ZNF626: variants seen among roughly 807,000 people sequenced by gnomAD.
ZNF626 encodes the protein CTC-513N18.7.
In ZNF626, 4 loss-of-function variants were observed where a neutral mutation model predicts 11.7. The observed-to-expected ratio is 0.34, with a 90% CI of 0.17 to 0.78. ZNF626 has a LOEUF of 0.78. ZNF626 is among the 30% of genes least tolerant of loss of function. The pLI, the probability that ZNF626 is intolerant of heterozygous loss-of-function variation, is 0.57. For synonymous variants in ZNF626, 179 were observed against 198.6 expected, an observed-to-expected ratio of 0.90 and a Z score of 0.83; for missense variants, 588 against 587.1, an observed-to-expected ratio of 1.00 and a Z score of -0.01.
intron 3 of ZNF626, among the ~76,000 whole-genome samples, chr19:20,637,040 GC>G (rs1407815186): frequency 6.9e-5 from 6 of 87,576 alleles, no homozygotes; most frequent in Admixed American, 6.7e-4. Flanking sequence ...AAAAAAAAAG[GC>G]CCAGTGCAAT....
chr19:20,621,913 A>G lies in ZNF626; in HGVS notation c.*2377T>C, dbSNP rs953898748. On this transcript the variant is annotated 3_prime_UTR_variant, in exon 4 of 4. Coordinates refer to ENST00000601440, the MANE Select transcript of ZNF626 (RefSeq NM_001076675.3). ...AAAATAAAATAAAATTAGGCTGGAC[A>G]TATTGGCTCACACCTATAATCCCAA... The G allele has an allele frequency of 1.3e-5, 2 of 152,230 alleles. No individual in the cohort carries two copies. The highest frequency in any genetic ancestry group is 2.9e-5 in the Non-Finnish European group (2 of 68,044). The allele number at this position is 152,230 out of a possible 1,614,324, so 9.4% of individuals were successfully genotyped here. A position where few individuals can be genotyped will look rare whatever the true frequency, so the allele number is the denominator to read the frequency against.
At chr19:20,640,219 AATT>A (rs1161558497) in intron 3 of ZNF626, among the ~76,000 whole-genome samples, 1 of 101,016 alleles carries the variant, frequency 9.9e-6, no homozygotes, top group Admixed American at 9.9e-5. Flanking sequence ...TATTAAATTC[AATT>A]ATTTAAATAA....
Position 20,625,547 on chromosome 19 carries a change from A to G in ZNF626, c.330T>C (p.Asn110=), listed in dbSNP as rs1969819186. The change falls in exon 4 of 4, where the codon AAT becomes AAC. Residue 110 remains asparagine (N), a synonymous_variant. Transcript: ENST00000601440. ...LRRYEKCEHD[N]LQLKKGCISV... ...TTATACATCCTTTTTTTAACTGTAA[A>G]TTGTCATGTTCACATTTTTCATATC... is the stretch of plus-strand genomic sequence containing the variant. The G allele has an allele frequency of 6.2e-7, 1 of 1,613,290 alleles. No homozygotes were observed. The highest frequency in any genetic ancestry group is 8.5e-7 in the Non-Finnish European group (1 of 1,179,752).
At chr19:20,654,512 T>C (rs1183044707) in intron 1 of ZNF626, among the ~76,000 whole-genome samples, 1 of 150,992 alleles carries the variant, frequency 6.6e-6, no homozygotes, top group Non-Finnish European at 1.5e-5. Context: ...ATTGAGACCA[T>C]CCTGGCTAAC....
chr19:20,638,619 T>C (rs1969991218), intron 3 of ZNF626, among the ~76,000 whole-genome samples: 1 of 151,698 alleles, frequency 6.6e-6, no homozygotes, highest in Non-Finnish European at 1.5e-5. Flanking sequence ...TTGAGTGGGG[T>C]AGTCATAATT....
chr19:20,641,629 A>C (rs1555771475), intron 3 of ZNF626, among the ~76,000 whole-genome samples: 2 of 152,134 alleles, frequency 1.3e-5, no homozygotes, highest in Non-Finnish European at 2.9e-5. Context: ...TCACTCTGTC[A>C]CCCAAGCTGG....
In ZNF626 at chr19:20,620,183, G is replaced by T. The variant is rs896381895; in HGVS notation, c.*4107C>A. 14 of 152,192 alleles carry T rather than the reference G, an allele frequency of 9.2e-5. No homozygotes were observed. Among genetic ancestry groups the T allele is most frequent in the African/African-American group, 3.4e-4 (14 of 41,546 alleles). 9.4% of individuals were successfully genotyped at this position (152,192 alleles called of 1,614,324 possible). On this transcript the variant is annotated 3_prime_UTR_variant, in exon 4 of 4. Transcript: ENST00000601440. ...GAGTGTTATTTCTGGAGACAAAGTT[G>T]CCTGTGCTTTAATACACGGATTCTG...
intron 1 of ZNF626, among the ~76,000 whole-genome samples, chr19:20,655,231 C>G (rs1455887235): frequency 2.6e-5 from 4 of 152,200 alleles, no homozygotes; most frequent in Admixed American, 6.5e-5. Flanking sequence ...CTCAACTGTT[C>G]AGTTTATACC....
chr19:20,626,062 A>G (rs1408448752), intron 3 of ZNF626, among the ~76,000 whole-genome samples: 1 of 151,836 alleles, frequency 6.6e-6, no homozygotes, highest in African/African-American at 2.4e-5. Context: ...GGAGTTCAAG[A>G]CCATCTTGGC....
Position 20,625,264 on chromosome 19 carries a change from C to A in ZNF626, c.613G>T (p.Glu205Ter). 8.1e-6 allele frequency: 13 copies of A among 1,613,770 alleles called. No homozygotes were observed. In the East Asian group the frequency reaches 1.8e-4, roughly 22 times the overall value. The change falls in exon 4 of 4, where the codon GAA (glutamate) becomes TAA (stop). Residue 205 changes from glutamate to a stop codon, truncating the protein, a stop_gained. Coordinates refer to ENST00000601440, the MANE Select transcript of ZNF626 (RefSeq NM_001076675.3). LOFTEE classifies it low-confidence loss of function (END_TRUNC). ...GAGTGGTTAAAGGCTTTGCCACATT[C>A]TTCACATTTGTAGGGTTTCCCTCCA... ...HTGGKPYKCEECGKAFNHSCS... is the reference protein window; with the variant it reads ...HTGGKPYKCE
In ZNF626 at chr19:20,625,177, A is replaced by G; in HGVS notation, c.700T>C (p.Cys234Arg). Residue 234 changes from cysteine to arginine, a missense_variant, in exon 4 of 4, where the codon TGT (cysteine) becomes CGT (arginine). Cys to Arg is a radical substitution (Grantham distance 180). This residue lies in a region of ZNF626 where 524 missense variants were observed against 470.1 expected (regional missense o/e 1.11). Coordinates refer to ENST00000601440, the MANE Select transcript of ZNF626 (RefSeq NM_001076675.3). ...GAGGAGTGCTTAAAGGCTTTGCCAC[A>G]TTCTTCACATTTGTAGGGTTTCTCT... ...TGEKPYKCEE[C>R]GKAFKHSSTL... 6.2e-7 allele frequency: 1 copy of G among 1,613,212 alleles called. No individual in the cohort carries two copies. Among genetic ancestry groups the G allele is most frequent in the Non-Finnish European group, 8.5e-7 (1 of 1,179,938 alleles).
At chr19:20,628,781 G>C (rs1237315514) in intron 3 of ZNF626, among the ~76,000 whole-genome samples, 3 of 152,162 alleles carry the variant, frequency 2.0e-5, no homozygotes, top group Non-Finnish European at 2.9e-5. Flanking sequence ...AACCTCTTTA[G>C]TTTAATTAGA....
intron 1 of ZNF626, among the ~76,000 whole-genome samples, chr19:20,654,213 G>A (rs1970179307): frequency 6.6e-6 from 1 of 152,162 alleles, no homozygotes; most frequent in Admixed American, 6.5e-5. Flanking sequence ...GGCCGAGGCA[G>A]GTGAATCACG....
intron 1 of ZNF626, among the ~76,000 whole-genome samples, chr19:20,652,959 TAA>T (rs1970163503): frequency 6.6e-6 from 1 of 152,188 alleles, no homozygotes; most frequent in Admixed American, 6.5e-5. Context: ...GGTTTGAAGA[TAA>T]AAGAGTCACT....
intron 3 of ZNF626, among the ~76,000 whole-genome samples, chr19:20,627,620 C>A (rs1296558663): frequency 4.6e-5 from 7 of 151,904 alleles, no homozygotes; most frequent in African/African-American, 1.4e-4. Context: ...ATATAATTAT[C>A]TTTCCAATCA....
At chr19:20,638,611 G>A (rs1969991135) in intron 3 of ZNF626, among the ~76,000 whole-genome samples, 1 of 151,864 alleles carries the variant, frequency 6.6e-6, no homozygotes, top group South Asian at 2.1e-4. Context: ...AACCACAATT[G>A]AGTGGGGTAG....
At chr19:20,643,261 T>C (rs75177587) in intron 3 of ZNF626, among the ~76,000 whole-genome samples, 3 of 152,024 alleles carry the variant, frequency 2.0e-5, no homozygotes, top group African/African-American at 4.8e-5. Flanking sequence ...ATTCTAACTT[T>C]AGAAGCAAAG....
intron 3 of ZNF626, chr19:20,645,370 GA>G: frequency 6.3e-7 from 1 of 1,579,528 alleles, no homozygotes; most frequent in Admixed American, 2.0e-5. Flanking sequence ...AAAAATTATG[GA>G]AAAGCAGCCA....
chr19:20,627,323 T>C (rs1555769885), intron 3 of ZNF626, among the ~76,000 whole-genome samples: 1 of 116,826 alleles, frequency 8.6e-6, no homozygotes, highest in Non-Finnish European at 1.7e-5. Context: ...GCAGATGTAA[T>C]GATGAAGAAT....
Sources: allele counts gnomAD v4.1 joint callset (sites outside exome capture counted in the v4.1 genomes callset), GRCh38; gene constraint gnomAD v4.1.1; regional missense constraint gnomAD v4.1.1; transcripts MANE v1.5; gene names NCBI Gene and HGNC (gene_info 2026-07-23, HGNC 2026-07-21).